NPAS3: variants seen among roughly 807,000 people sequenced by gnomAD.
NPAS3 encodes neuronal PAS domain-containing protein 3.
Under a neutral mutation model 73.1 loss-of-function variants are expected in NPAS3, and 14 were observed. The ratio of observed to expected loss-of-function variants is 0.19; its 90% CI spans 0.13 to 0.30. The LOEUF (loss-of-function observed/expected upper bound fraction) is 0.30. Ranked by LOEUF, NPAS3 falls within the 10% of genes least tolerant of loss-of-function variation. NPAS3 has a pLI of 1.00. For missense variants in NPAS3, 1,096 were observed against 1,250.0 expected (o/e 0.88, Z 1.86); for synonymous variants, 620 against 541.5 (o/e 1.14, Z -2.01).
intron 7 of NPAS3, among the ~76,000 whole-genome samples, chr14:33,773,951 A>G (rs1164849495): frequency 2.0e-5 from 3 of 152,164 alleles, no homozygotes; most frequent in African/African-American, 7.2e-5. Flanking sequence ...ATGTAATCCC[A>G]CTCAAGTACA....
At chr14:33,341,256 G>A (rs1473812967) in intron 3 of NPAS3, among the ~76,000 whole-genome samples, 9 of 152,116 alleles carry the variant, frequency 5.9e-5, no homozygotes, top group African/African-American at 2.2e-4. Flanking sequence ...ACATTTTAGT[G>A]GTACCTGCTG....
At chr14:33,670,067 G>A (rs17101690) in intron 5 of NPAS3, among the ~76,000 whole-genome samples, 3,062 of 152,082 alleles carry the variant, frequency 0.02, 93 homozygotes, top group African/African-American at 0.067. Context: ...TGGGTGCTGC[G>A]GTTGCAATTT....
intron 2 of NPAS3, among the ~76,000 whole-genome samples, chr14:33,093,057 G>A (rs1256014729): frequency 2.6e-5 from 4 of 152,130 alleles, no homozygotes; most frequent in Non-Finnish European, 4.4e-5. Context: ...ACATAGGCAT[G>A]GGCAAGGACT....
Position 33,265,401 on chromosome 14 carries a change from C to T in NPAS3, c.385+49975C>T, listed in dbSNP as rs558860492. Among the ~76,000 whole-genome samples, 6 of 152,266 alleles carry T rather than the reference C, an allele frequency of 3.9e-5. No homozygotes were observed. The South Asian group carries it at 1.0e-3, about 26-fold the overall frequency. On this transcript the variant is annotated intron_variant, in intron 3 of 11. Transcript: ENST00000356141. ...GGAGTCATATTTTCTTCATCTTTTA[C>T]AATATATTTTTTCTCCCTATGGATT...
At chr14:33,720,275 C>T (rs1041452354) in intron 6 of NPAS3, among the ~76,000 whole-genome samples, 4 of 152,110 alleles carry the variant, frequency 2.6e-5, no homozygotes, top group African/African-American at 9.7e-5. Flanking sequence ...TATGAATATG[C>T]TTCACAGATT....
intron 1 of NPAS3, among the ~76,000 whole-genome samples, chr14:32,959,033 C>CA (rs1216887743): frequency 1.3e-5 from 2 of 151,754 alleles, no homozygotes; most frequent in African/African-American, 2.4e-5. Context: ...ATAAACATGG[C>CA]AAAAAAAATC....
At position 33,300,230 on chromosome 14, in the gene NPAS3, C is replaced by T. The variant is rs191790949; in HGVS notation, c.386-66956C>T. Among the ~76,000 whole-genome samples, 13 of 152,256 alleles carry T rather than the reference C, an allele frequency of 8.5e-5. No homozygotes were observed. In the East Asian group the frequency reaches 2.5e-3, roughly 29 times the overall value. Reference sequence around the variant, plus strand: ...TTTATGCAAGTCTTGTTTCCAAATACATTTAAGAAAGAATTAAAAATCATG... The same window carrying T: ...TTTATGCAAGTCTTGTTTCCAAATATATTTAAGAAAGAATTAAAAATCATG... On this transcript the variant is annotated intron_variant, in intron 3 of 11. Coordinates refer to ENST00000356141, the Ensembl canonical transcript of NPAS3.
intron 9 of NPAS3, among the ~76,000 whole-genome samples, chr14:33,791,124 C>T (rs1029086366): frequency 6.6e-6 from 1 of 152,206 alleles, no homozygotes; most frequent in Admixed American, 6.5e-5. Context: ...GGAATTCTGC[C>T]TGTCAGACTG....
At chr14:33,467,916 G>C (rs2050605799) in intron 4 of NPAS3, among the ~76,000 whole-genome samples, 1 of 152,174 alleles carries the variant, frequency 6.6e-6, no homozygotes, top group Non-Finnish European at 1.5e-5. Flanking sequence ...GAAGAGACTT[G>C]AACTAGACCA....
At chr14:33,782,853 G>C (rs574930174) in intron 9 of NPAS3, among the ~76,000 whole-genome samples, 1 of 147,412 alleles carries the variant, frequency 6.8e-6, no homozygotes, top group South Asian at 2.1e-4. Flanking sequence ...TAGCTTAAGT[G>C]TTTATTTCTT....
At chr14:33,413,154 C>A (rs963983062) in intron 4 of NPAS3, among the ~76,000 whole-genome samples, 1 of 152,088 alleles carries the variant, frequency 6.6e-6, no homozygotes, top group Non-Finnish European at 1.5e-5. Flanking sequence ...ACAACAATTC[C>A]TTGCTGGAGT....
At chr14:33,057,451 C>G (rs1189471732) in intron 2 of NPAS3, among the ~76,000 whole-genome samples, 1 of 151,952 alleles carries the variant, frequency 6.6e-6, no homozygotes, top group Non-Finnish European at 1.5e-5. Flanking sequence ...CTTTAAGGAC[C>G]AAATTAAAGC....
At chr14:33,654,924 A>G (rs988739815) in intron 5 of NPAS3, among the ~76,000 whole-genome samples, 1 of 152,202 alleles carries the variant, frequency 6.6e-6, no homozygotes, top group African/African-American at 2.4e-5. Context: ...GGAAACTTAA[A>G]ATGGGAGAAA....
chr14:33,549,039 AACC>A (rs1389367217), intron 4 of NPAS3, among the ~76,000 whole-genome samples: 4 of 152,144 alleles, frequency 2.6e-5, no homozygotes, highest in Non-Finnish European at 4.4e-5. Context: ...ATTTATTTAT[AACC>A]AAATGTCCAG....
rs368501835 is a variant in NPAS3 at position 33,465,567 on chromosome 14, G to A, written c.469-94554G>A. On this transcript the variant is annotated intron_variant, in intron 4 of 11. Transcript: ENST00000356141. Reference sequence around the variant, plus strand: ...TACAGCACTCTTGTTTAATTCTCACGTAAAAATCTATTTTTATTAGCCCTG... The same window carrying A: ...TACAGCACTCTTGTTTAATTCTCACATAAAAATCTATTTTTATTAGCCCTG... 5.9e-5 allele frequency among the ~76,000 whole-genome samples: 9 copies of A among 152,184 alleles called. No homozygotes were observed. The East Asian group carries it at 7.7e-4, about 13-fold the overall frequency.
chr14:33,707,039 G>T (rs137876181), intron 6 of NPAS3, among the ~76,000 whole-genome samples: 1 of 152,292 alleles, frequency 6.6e-6, no homozygotes, highest in East Asian at 1.9e-4. Context: ...CTATCTTCCT[G>T]TCTAAACAGT....
chr14:33,259,319 AC>A (rs1319894137), intron 3 of NPAS3, among the ~76,000 whole-genome samples: 2 of 152,190 alleles, frequency 1.3e-5, no homozygotes, highest in African/African-American at 2.4e-5. Flanking sequence ...GAAGACTACA[AC>A]AAAAAGTGTC....
chr14:33,148,435 T>G (rs1306246783), intron 2 of NPAS3, among the ~76,000 whole-genome samples: 1 of 152,224 alleles, frequency 6.6e-6, no homozygotes, highest in African/African-American at 2.4e-5. Flanking sequence ...GCTTATTGAC[T>G]GCTTAATACG....
At chr14:33,002,161 T>A (rs2038831292) in intron 1 of NPAS3, among the ~76,000 whole-genome samples, 1 of 152,254 alleles carries the variant, frequency 6.6e-6, no homozygotes, top group Admixed American at 6.5e-5. Flanking sequence ...AGCCTCGTTC[T>A]GCTATAAAAA....
Sources: allele counts gnomAD v4.1 joint callset (sites outside exome capture counted in the v4.1 genomes callset), GRCh38; gene constraint gnomAD v4.1.1; transcripts MANE v1.5; gene names NCBI Gene and HGNC (gene_info 2026-07-23, HGNC 2026-07-21).